Variants in ZNF782 observed in about 807,000 individuals in gnomAD.
ZNF782 encodes the protein zinc finger protein 782.
ZNF782 carries 12 observed loss-of-function variants against 13.0 expected under a neutral mutation model. The ratio of observed to expected loss-of-function variants is 0.92; its 90% CI spans 0.59 to 1.50. ZNF782 has a LOEUF of 1.50. ZNF782 is among the 40% of genes most tolerant of loss of function. ZNF782 has a pLI of 0.00. For synonymous variants in ZNF782, 284 were observed against 283.0 expected (o/e 1.00, Z -0.04); for missense variants, 770 against 822.9 (o/e 0.94, Z 0.79).
At chr9:96,885,797 C>T in the ZNF782 span, among the ~76,000 whole-genome samples, 6 of 151,428 alleles carry the variant, frequency 4.0e-5, no homozygotes, top group Admixed American at 3.9e-4. Flanking sequence ...CTTATTTTTC[C>T]TTCCTTCCTT....
Position 96,817,773 on chromosome 9 carries a change from C to T in ZNF782, c.*150G>A. On this transcript the variant is annotated 3_prime_UTR_variant, in exon 6 of 6. Coordinates refer to ENST00000481138, the MANE Select transcript of ZNF782 (RefSeq NM_001001662.3). ...TATAAAATAGATTTCAACAATTTAT[C>T]TTCTATTCTTTGATATTTGGTGGAG... is the stretch of plus-strand genomic sequence containing the variant. 3 of 653,192 alleles carry T rather than the reference C, an allele frequency of 4.6e-6. No homozygotes were observed. Among genetic ancestry groups the T allele is most frequent in the Non-Finnish European group, 7.3e-6 (3 of 413,704 alleles). The allele number at this position is 653,192 out of a possible 1,614,324, so 40.5% of individuals were successfully genotyped here.
chr9:96,927,222 T>C, the ZNF782 span, among the ~76,000 whole-genome samples: 1 of 152,208 alleles, frequency 6.6e-6, no homozygotes, highest in African/African-American at 2.4e-5. Context: ...GATTCACACA[T>C]GCGAGGGGAT....
intron 4 of ZNF782, among the ~76,000 whole-genome samples, chr9:96,828,498 T>C (rs886585614): frequency 2.6e-5 from 4 of 152,124 alleles, no homozygotes; most frequent in African/African-American, 9.7e-5. Flanking sequence ...GATACAAGAC[T>C]CTTATCAAGG....
chr9:96,910,084 T>C, the ZNF782 span: 2 of 609,588 alleles, frequency 3.3e-6, no homozygotes, highest in African/African-American at 3.8e-5. Flanking sequence ...CCATGTCAGA[T>C]GCAGCTGTAG....
chr9:96,883,118 C>T, the ZNF782 span, among the ~76,000 whole-genome samples: 2 of 152,040 alleles, frequency 1.3e-5, no homozygotes, highest in Non-Finnish European at 2.9e-5. Context: ...AAAGGAAAGA[C>T]AAAGCAGCTA....
chr9:96,824,449 T>C (rs1322346378), intron 5 of ZNF782, among the ~76,000 whole-genome samples: 2 of 150,602 alleles, frequency 1.3e-5, no homozygotes, highest in Non-Finnish European at 3.0e-5. Context: ...GCCAATATCA[T>C]ACTGAATGGG....
Position 96,818,728 on chromosome 9 carries a change from CTG to C in ZNF782, c.1293_1294del (p.Phe431LeufsTer23). The C allele has an allele frequency of 6.2e-7, 1 of 1,614,030 alleles. No homozygotes were observed. Reference sequence around the variant, plus strand: ...GTGTATTCTTAGGCCTGACTTTGCACTGAAAGCTTTATCACATCCATCACATT... The same window carrying C: ...GTGTATTCTTAGGCCTGACTTTGCACAAAGCTTTATCACATCCATCACATT... On this transcript the variant is annotated frameshift_variant, in exon 6 of 6. Coordinates refer to ENST00000481138, the MANE Select transcript of ZNF782 (RefSeq NM_001001662.3). LOFTEE classifies it low-confidence loss of function (END_TRUNC).
At chr9:96,896,975 T>C in the ZNF782 span, among the ~76,000 whole-genome samples, 5 of 152,222 alleles carry the variant, frequency 3.3e-5, no homozygotes, top group African/African-American at 9.6e-5. Context: ...TGCTCAAGCA[T>C]GGGCCACCTA....
chr9:96,887,183 A>G, the ZNF782 span, among the ~76,000 whole-genome samples: 28,641 of 150,688 alleles, frequency 0.19, 6,772 homozygotes, highest in African/African-American at 0.55. Flanking sequence ...GTGTGGTGGC[A>G]CACGCCTGTA....
At chr9:96,914,466 T>A in the ZNF782 span, among the ~76,000 whole-genome samples, 1 of 151,854 alleles carries the variant, frequency 6.6e-6, no homozygotes, top group African/African-American at 2.4e-5. Context: ...TATGCTCTAC[T>A]GACGGTATAG....
chr9:96,882,939 A>G, the ZNF782 span, among the ~76,000 whole-genome samples: 1 of 152,154 alleles, frequency 6.6e-6, no homozygotes, highest in Non-Finnish European at 1.5e-5. Context: ...TGGATAATCC[A>G]TGAAAACTAG....
the ZNF782 span, among the ~76,000 whole-genome samples, chr9:96,885,629 T>G: frequency 6.6e-6 from 1 of 152,088 alleles, no homozygotes; most frequent in South Asian, 2.1e-4. Flanking sequence ...ATCTACAGAT[T>G]GAAGAATCTG....
the ZNF782 span, among the ~76,000 whole-genome samples, chr9:96,900,862 G>A: frequency 2.1e-5 from 3 of 143,708 alleles, no homozygotes; most frequent in Non-Finnish European, 4.4e-5. Flanking sequence ...AAAAAGAAAT[G>A]GCAGCCAGGT....
chr9:96,863,923 G>A (rs1851731751), intron 1 of ZNF782, among the ~76,000 whole-genome samples: 1 of 151,988 alleles, frequency 6.6e-6, no homozygotes. Context: ...ACACTGCTCA[G>A]GTGGTAGGTG....
the ZNF782 span, among the ~76,000 whole-genome samples, chr9:96,896,908 A>G: frequency 3.3e-5 from 5 of 152,210 alleles, no homozygotes; most frequent in African/African-American, 9.7e-5. Context: ...TCTTCCGCTG[A>G]TAACTACTCT....
chr9:96,915,629 G>A, the ZNF782 span, among the ~76,000 whole-genome samples: 3 of 150,540 alleles, frequency 2.0e-5, no homozygotes, highest in Admixed American at 2.0e-4. Flanking sequence ...TGAAAGTTAA[G>A]CTGAGACTTA....
chr9:96,859,917 G>A (rs2118856733), intron 3 of ZNF782, among the ~76,000 whole-genome samples: 1 of 152,268 alleles, frequency 6.6e-6, no homozygotes, highest in South Asian at 2.1e-4. Context: ...TTCCAGGCCA[G>A]ACAGCATTCA....
chr9:96,886,483 G>C, the ZNF782 span, among the ~76,000 whole-genome samples: 1 of 152,198 alleles, frequency 6.6e-6, no homozygotes, highest in Admixed American at 6.5e-5. Flanking sequence ...AAAGTGGAGA[G>C]AGTAAAGGGG....
chr9:96,881,071 C>T, the ZNF782 span, among the ~76,000 whole-genome samples: 1 of 152,022 alleles, frequency 6.6e-6, no homozygotes, highest in African/African-American at 2.4e-5. Context: ...TCATATTATT[C>T]ACTTATTAAG....
Sources: gnomAD v4.1 joint callset for allele counts (sites outside exome capture counted in the v4.1 genomes callset) on GRCh38, gnomAD v4.1.1 for gene constraint, MANE v1.5 for transcripts, NCBI Gene and HGNC (gene_info 2026-07-23, HGNC 2026-07-21) for gene names.